EXOC4: variants seen among roughly 807,000 people sequenced by gnomAD.
EXOC4 encodes the protein exocyst complex component 4, also known as SEC8-like 1.
Under a neutral mutation model 107.2 loss-of-function variants are expected in EXOC4, and 71 were observed. That is an observed-to-expected ratio of 0.66 (90% CI 0.55 to 0.81). The LOEUF (loss-of-function observed/expected upper bound fraction) is 0.81. Ranked by LOEUF, EXOC4 falls within the 30% of genes least tolerant of loss-of-function variation. The pLI is 0.00. For missense variants in EXOC4, 1,108 were observed against 1,189.6 expected (o/e 0.93, Z 1.01); for synonymous variants, 456 against 441.2 (o/e 1.03, Z -0.42).
intron 7 of EXOC4, among the ~76,000 whole-genome samples, chr7:133,453,472 G>A (rs1451978771): frequency 6.6e-6 from 1 of 152,150 alleles, no homozygotes; most frequent in South Asian, 2.1e-4. Context: ...GAATGAAAAT[G>A]TGTATTGAAA....
At chr7:133,759,401 A>G (rs973973736) in intron 10 of EXOC4, among the ~76,000 whole-genome samples, 1 of 152,212 alleles carries the variant, frequency 6.6e-6, no homozygotes, top group Non-Finnish European at 1.5e-5. Flanking sequence ...TGATGGTAAC[A>G]TTATGATGTT....
intron 10 of EXOC4, among the ~76,000 whole-genome samples, chr7:133,722,913 G>A (rs945325577): frequency 7.9e-5 from 12 of 152,160 alleles, no homozygotes; most frequent in Admixed American, 3.9e-4. Flanking sequence ...AATTCTACTT[G>A]TGCATTTATT....
chr7:133,790,508 A>T (rs1355221959), intron 10 of EXOC4, among the ~76,000 whole-genome samples: 2 of 152,252 alleles, frequency 1.3e-5, no homozygotes, highest in African/African-American at 4.8e-5. Context: ...GGCTGGAAAT[A>T]TGTGGAAGTA....
chr7:134,030,676 C>T (rs899388707), intron 17 of EXOC4, among the ~76,000 whole-genome samples: 1 of 136,934 alleles, frequency 7.3e-6, no homozygotes, highest in Admixed American at 7.4e-5. Flanking sequence ...CACCCCCCCT[C>T]TGCCCCCCCA....
intron 11 of EXOC4, among the ~76,000 whole-genome samples, chr7:133,823,717 G>A (rs1797580547): frequency 6.8e-6 from 1 of 148,066 alleles, no homozygotes; most frequent in African/African-American, 2.5e-5. Context: ...TTGAGAGACT[G>A]AGGCAGGAGA....
intron 11 of EXOC4, among the ~76,000 whole-genome samples, chr7:133,838,539 T>A (rs1332665508): frequency 6.6e-6 from 1 of 152,216 alleles, no homozygotes; most frequent in African/African-American, 2.4e-5. Context: ...TTTCTCTTTA[T>A]ACCAGTGCTT....
intron 7 of EXOC4, among the ~76,000 whole-genome samples, chr7:133,381,415 A>G (rs1416842622): frequency 6.6e-6 from 1 of 152,082 alleles, no homozygotes; most frequent in Non-Finnish European, 1.5e-5. Flanking sequence ...GGTTTTGGAG[A>G]TTGATGATGA....
chr7:133,689,507 A>G (rs115733605), intron 10 of EXOC4, among the ~76,000 whole-genome samples: 2,355 of 152,300 alleles, frequency 0.015, 53 homozygotes, highest in African/African-American at 0.053. Context: ...AGAAACATCA[A>G]GGGTAACAGT....
chr7:134,060,611 T>G (rs1796034353), intron 17 of EXOC4, among the ~76,000 whole-genome samples: 1 of 152,176 alleles, frequency 6.6e-6, no homozygotes, highest in South Asian at 2.1e-4. Context: ...GGTGACATGA[T>G]TTCATTTCAG....
chr7:133,946,086 C>T (rs529072120), intron 14 of EXOC4, among the ~76,000 whole-genome samples: 1 of 152,300 alleles, frequency 6.6e-6, no homozygotes, highest in Admixed American at 6.5e-5. Context: ...TGACTGTTAT[C>T]AGACAGTTCC....
At chr7:133,583,913 G>A in intron 9 of EXOC4, among the ~76,000 whole-genome samples, 1 of 152,190 alleles carries the variant, frequency 6.6e-6, no homozygotes, top group East Asian at 1.9e-4. Context: ...GTGTCTATGA[G>A]GTGATTGTGG....
chr7:133,885,053 C>T (rs1419696992), intron 11 of EXOC4, among the ~76,000 whole-genome samples: 2 of 152,252 alleles, frequency 1.3e-5, no homozygotes, highest in South Asian at 2.1e-4. Flanking sequence ...CAGTGGCTCA[C>T]GCCTATAATC....
At chr7:133,859,516 A>G (rs1563031509) in intron 11 of EXOC4, among the ~76,000 whole-genome samples, 1 of 152,006 alleles carries the variant, frequency 6.6e-6, no homozygotes, top group East Asian at 1.9e-4. Flanking sequence ...TTAATTTCCT[A>G]CTTGCAGCTG....
In EXOC4 at chr7:133,561,075, G is replaced by T. The variant is rs147419492; in HGVS notation, c.1418-68970G>T. 1.0e-2 allele frequency among the ~76,000 whole-genome samples: 1,515 copies of T among 152,232 alleles called. 12 individuals carry two copies. The highest frequency in any genetic ancestry group is 0.015 in the Non-Finnish European group (1,024 of 68,014). The stretch of plus-strand genomic sequence containing the variant: ...GACAGTCATTATGTACCTGGTTGAG[G>T]CAAGAGGGTGACAGATGTTTGACGT... On this transcript the variant is annotated intron_variant, in intron 9 of 17. Transcript: ENST00000253861.
chr7:133,941,821 T>TTCTCTCTCTCTCTCGCTCTCTCTCTC (rs1800435701), intron 14 of EXOC4, among the ~76,000 whole-genome samples: 1 of 129,544 alleles, frequency 7.7e-6, no homozygotes. Flanking sequence ...TGCTTACAGA[T>TTCTCTCTCTCTCTCGCTCTCTCTCTC]TCTCTCTCTC....
chr7:133,305,930 T>C lies in EXOC4; in HGVS notation c.525T>C (p.Ser175=). The C allele has an allele frequency of 6.2e-7, 1 of 1,613,324 alleles. No homozygotes were observed. Among genetic ancestry groups the C allele is most frequent in the Non-Finnish European group, 8.5e-7 (1 of 1,179,592 alleles). Residue 175 remains serine (S), a synonymous_variant, in exon 4 of 18, where the codon AGT becomes AGC. Coordinates refer to ENST00000253861, the MANE Select transcript of EXOC4 (RefSeq NM_021807.4). ...CCCTGCTCCAGGTGGAAGGACTGAG[T>C]GACCTTCGACTAGAGCTTCACAGCA... is the stretch of plus-strand genomic sequence containing the variant. ...EGPLLQVEGL[S]DLRLELHSKK...
intron 10 of EXOC4, among the ~76,000 whole-genome samples, chr7:133,804,740 C>A (rs367581306): frequency 6.6e-6 from 1 of 152,128 alleles, no homozygotes; most frequent in African/African-American, 2.4e-5. Context: ...CTAAATTTCA[C>A]GTTTGAGAAA....
intron 12 of EXOC4, among the ~76,000 whole-genome samples, chr7:133,903,649 G>T (rs1244383361): frequency 6.6e-6 from 1 of 152,160 alleles, no homozygotes; most frequent in African/African-American, 2.4e-5. Context: ...AGCCATGTGG[G>T]GGAGGGAGTT....
At chr7:133,938,585 A>C (rs1161846706) in intron 14 of EXOC4, among the ~76,000 whole-genome samples, 1 of 152,236 alleles carries the variant, frequency 6.6e-6, no homozygotes, top group Non-Finnish European at 1.5e-5. Flanking sequence ...TAGCAATTAC[A>C]GATTTCAAAG....
Sources: allele counts gnomAD v4.1 joint callset (sites outside exome capture counted in the v4.1 genomes callset), GRCh38; gene constraint gnomAD v4.1.1; transcripts MANE v1.5; gene names NCBI Gene and HGNC (gene_info 2026-07-23, HGNC 2026-07-21).